The following ESRRG variants were observed in gnomAD, a reference collection of about 807,000 sequenced individuals.
The protein encoded by ESRRG is estrogen-related receptor gamma.
ESRRG carries 13 observed loss-of-function variants against 44.0 expected under a neutral mutation model. That is an observed-to-expected ratio of 0.30 (90% confidence interval 0.19 to 0.47). The LOEUF (loss-of-function observed/expected upper bound fraction) is 0.47. ESRRG is among the 20% of genes least tolerant of loss of function. The pLI, the probability that ESRRG is intolerant of heterozygous loss-of-function variation, is 1.00. For missense variants in ESRRG, 395 were observed against 580.6 expected, an observed-to-expected ratio of 0.68 and a Z score of 3.29; for synonymous variants, 215 against 214.6, an observed-to-expected ratio of 1.00 and a Z score of -0.02.
chr1:216,943,744 G>T (rs1023369894), intron 1 of ESRRG, among the ~76,000 whole-genome samples: 3 of 152,050 alleles, frequency 2.0e-5, no homozygotes, highest in Non-Finnish European at 4.4e-5. Context: ...TAACCCTAGC[G>T]TACAGCCAGG....
chr1:217,133,920 G>A (rs1228432591), intron 1 of ESRRG, among the ~76,000 whole-genome samples: 29 of 152,034 alleles, frequency 1.9e-4, no homozygotes, highest in Admixed American at 1.9e-3. Context: ...AGAGGTCAGA[G>A]CCACCGGTTT....
intron 1 of ESRRG, among the ~76,000 whole-genome samples, chr1:217,072,518 A>G (rs1019695763): frequency 6.6e-6 from 1 of 152,212 alleles, no homozygotes; most frequent in Non-Finnish European, 1.5e-5. Flanking sequence ...TAGGCCTAAA[A>G]TATAGACATT....
intron 3 of ESRRG, among the ~76,000 whole-genome samples, chr1:216,625,423 C>CAAAAAAAAAAAAAAAAAAA (rs57817803): frequency 9.5e-5 from 11 of 115,690 alleles, no homozygotes; most frequent in African/African-American, 3.2e-4. Context: ...GCTCATTTGG[C>CAAAAAAAAAAAAAAAAAAA]AAAAAAAAAA....
intron 1 of ESRRG, among the ~76,000 whole-genome samples, chr1:217,133,627 T>C (rs148295334): frequency 0.052 from 2,032 of 38,758 alleles, 57 homozygotes; most frequent in African/African-American, 0.13. Flanking sequence ...CTTTCTTTCT[T>C]TCTTTCTCTC....
intron 1 of ESRRG, among the ~76,000 whole-genome samples, chr1:217,039,985 C>T (rs934207038): frequency 7.2e-5 from 11 of 152,100 alleles, no homozygotes; most frequent in African/African-American, 2.7e-4. Context: ...AAGATAAACA[C>T]CCCTCTCCTA....
chr1:216,912,764 A>G (rs1463549608), intron 2 of ESRRG, among the ~76,000 whole-genome samples: 2 of 152,186 alleles, frequency 1.3e-5, no homozygotes, highest in Non-Finnish European at 2.9e-5. Flanking sequence ...TTACATATAT[A>G]TACACACAGT....
At chr1:216,687,284 G>A (rs115364894) in intron 1 of ESRRG, among the ~76,000 whole-genome samples, 189 of 152,194 alleles carry the variant, frequency 1.2e-3, no homozygotes, top group African/African-American at 4.3e-3. Context: ...GGTGGGAGGC[G>A]TTGGCGGAAG....
At chr1:217,088,705 C>T (rs2092245124) in intron 1 of ESRRG, among the ~76,000 whole-genome samples, 2 of 151,992 alleles carry the variant, frequency 1.3e-5, no homozygotes, top group East Asian at 1.9e-4. Flanking sequence ...CAGAATTGCT[C>T]ATTAAGATTC....
intron 5 of ESRRG, among the ~76,000 whole-genome samples, chr1:216,540,637 T>C (rs1044846076): frequency 6.6e-6 from 1 of 152,022 alleles, no homozygotes; most frequent in Admixed American, 6.6e-5. Flanking sequence ...GTAGATGTAA[T>C]AGTGCTACAT....
chr1:216,615,041 CTGAT>C (rs1300669391), intron 3 of ESRRG, among the ~76,000 whole-genome samples: 1 of 152,138 alleles, frequency 6.6e-6, no homozygotes, highest in African/African-American at 2.4e-5. Context: ...ATTCAAGAGA[CTGAT>C]TGAAGATAGT....
At chr1:216,848,955 G>A (rs2095801466) in intron 2 of ESRRG, among the ~76,000 whole-genome samples, 1 of 151,664 alleles carries the variant, frequency 6.6e-6, no homozygotes. Context: ...TTTCCTCCTG[G>A]CGTATTTTAT....
At chr1:217,135,469 T>C (rs1180777974) in intron 1 of ESRRG, among the ~76,000 whole-genome samples, 1 of 151,760 alleles carries the variant, frequency 6.6e-6, no homozygotes, top group Non-Finnish European at 1.5e-5. Context: ...AGAAAGCGTG[T>C]GGAGCTGGAG....
chr1:217,136,788 A>G (rs1469400836), intron 1 of ESRRG, among the ~76,000 whole-genome samples: 2 of 152,120 alleles, frequency 1.3e-5, no homozygotes, highest in African/African-American at 4.8e-5. Flanking sequence ...AATATAACAG[A>G]CACTCGCTCC....
At chr1:217,065,970 A>T (rs929541025) in intron 1 of ESRRG, among the ~76,000 whole-genome samples, 4 of 152,258 alleles carry the variant, frequency 2.6e-5, no homozygotes, top group Admixed American at 6.5e-5. Context: ...CCATATTCCT[A>T]CATACTCCAA....
At position 216,786,376 on chromosome 1, in the gene ESRRG, C is replaced by T. The variant is rs150900598; in HGVS notation, c.-13-108885G>A. Among the ~76,000 whole-genome samples the T allele has an allele frequency of 9.1e-4, 139 of 152,174 alleles. 1 individual carries two copies. Among genetic ancestry groups the T allele is most frequent in the African/African-American group, 3.2e-3 (135 of 41,542 alleles). The stretch of plus-strand genomic sequence containing the variant: ...AATTCATACAGAAATAAAGTAAGTA[C>T]ATGTAATGGCAAATAATTTGATTTT... On this transcript the variant is annotated intron_variant, in intron 2 of 7. Transcript: ENST00000359162.
chr1:216,652,126 G>A (rs984332520), intron 2 of ESRRG, among the ~76,000 whole-genome samples: 2 of 152,100 alleles, frequency 1.3e-5, no homozygotes, highest in African/African-American at 4.8e-5. Flanking sequence ...TGGGAAGGGG[G>A]AGGTCATCAC....
At chr1:216,929,664 GT>G (rs1193890876) in intron 2 of ESRRG, among the ~76,000 whole-genome samples, 3 of 152,152 alleles carry the variant, frequency 2.0e-5, no homozygotes, top group Non-Finnish European at 4.4e-5. Flanking sequence ...CTTTGCAGGA[GT>G]TTAGGAAAGC....
chr1:216,922,381 C>T (rs1344886485), intron 2 of ESRRG, among the ~76,000 whole-genome samples: 1 of 152,104 alleles, frequency 6.6e-6, no homozygotes, highest in African/African-American at 2.4e-5. Context: ...CTTTTTAGTT[C>T]GAGTTGCAGT....
intron 5 of ESRRG, among the ~76,000 whole-genome samples, chr1:216,552,207 CTA>C (rs914296531): frequency 6.6e-6 from 1 of 151,638 alleles, no homozygotes; most frequent in African/African-American, 2.4e-5. Flanking sequence ...TCATGTATAT[CTA>C]TATATATAAA....
Sources: gnomAD v4.1 joint callset for allele counts (sites outside exome capture counted in the v4.1 genomes callset) on GRCh38, gnomAD v4.1.1 for gene constraint, MANE v1.5 for transcripts, NCBI Gene and HGNC (gene_info 2026-07-23, HGNC 2026-07-21) for gene names.